Variants in TTC7B observed in about 807,000 individuals in gnomAD.
The protein encoded by TTC7B is tetratricopeptide repeat domain 7B, also known as tetratricopeptide repeat protein 7B.
TTC7B carries 28 observed loss-of-function variants against 106.8 expected under a neutral mutation model. That is an observed-to-expected ratio of 0.26 (90% confidence interval 0.19 to 0.36). The LOEUF is 0.36. TTC7B is among the 10% of genes least tolerant of loss of function. TTC7B has a pLI of 1.00. For synonymous variants in TTC7B, 405 were observed against 430.6 expected, an observed-to-expected ratio of 0.94 and a Z score of 0.74; for missense variants, 862 against 1,076.4, an observed-to-expected ratio of 0.80 and a Z score of 2.79.
chr14:90,563,874 G>A (rs1890685619), intron 19 of TTC7B, among the ~76,000 whole-genome samples: 1 of 152,094 alleles, frequency 6.6e-6, no homozygotes, highest in African/African-American at 2.4e-5. Flanking sequence ...CAAGTTTTAT[G>A]AGACTGCAGT....
At chr14:90,694,678 T>TA (rs1555390470) in intron 6 of TTC7B, among the ~76,000 whole-genome samples, 1 of 45,950 alleles carries the variant, frequency 2.2e-5, no homozygotes, top group African/African-American at 7.8e-5. Flanking sequence ...TATATGTATA[T>TA]TTTTATTTTA....
At chr14:90,732,001 T>TA (rs943513497) in intron 4 of TTC7B, among the ~76,000 whole-genome samples, 6 of 151,852 alleles carry the variant, frequency 4.0e-5, no homozygotes, top group African/African-American at 7.3e-5. Flanking sequence ...AAAAAGAAAA[T>TA]AAAAAAATCA....
chr14:90,769,665 A>G (rs1166105535), intron 3 of TTC7B, among the ~76,000 whole-genome samples: 2 of 152,200 alleles, frequency 1.3e-5, no homozygotes, highest in African/African-American at 4.8e-5. Context: ...GCTACTCGGG[A>G]GGCTGAGGCA....
At chr14:90,691,341 A>T (rs1887467535) in intron 6 of TTC7B, among the ~76,000 whole-genome samples, 1 of 152,052 alleles carries the variant, frequency 6.6e-6, no homozygotes, top group African/African-American at 2.4e-5. Context: ...TTCCTGAGAG[A>T]TTTTTTAAAC....
intron 11 of TTC7B, 59 bp from the exon 12 acceptor site, chr14:90,655,169 C>CAGAAAT (rs1203238551): frequency 1.1e-5 from 14 of 1,306,390 alleles, no homozygotes; most frequent in African/African-American, 1.5e-5. Flanking sequence ...ACATGAGTTC[C>CAGAAAT]CATAAGCGTC....
intron 15 of TTC7B, among the ~76,000 whole-genome samples, chr14:90,620,823 A>C (rs1884131098): frequency 1.3e-5 from 2 of 152,378 alleles, no homozygotes; most frequent in Admixed American, 1.3e-4. Flanking sequence ...GGCTGGAAAA[A>C]GAACTTCTAA....
At chr14:90,715,875 G>C (rs1296195398) in intron 5 of TTC7B, among the ~76,000 whole-genome samples, 1 of 152,164 alleles carries the variant, frequency 6.6e-6, no homozygotes, top group Non-Finnish European at 1.5e-5. Flanking sequence ...GAAACCTAAT[G>C]AATTCACCCA....
intron 9 of TTC7B, among the ~76,000 whole-genome samples, chr14:90,671,974 C>A (rs75862826): frequency 6.6e-6 from 1 of 152,188 alleles, no homozygotes; most frequent in Non-Finnish European, 1.5e-5. Flanking sequence ...TGGGTCTGCA[C>A]AACGCTGCAC....
intron 3 of TTC7B, among the ~76,000 whole-genome samples, chr14:90,748,153 T>C (rs943934404): frequency 3.3e-5 from 5 of 152,224 alleles, no homozygotes; most frequent in African/African-American, 9.6e-5. Context: ...TAGGTTTAAA[T>C]CTACCACTTT....
chr14:90,669,008 G>A (rs1886527629), intron 9 of TTC7B, among the ~76,000 whole-genome samples: 1 of 151,938 alleles, frequency 6.6e-6, no homozygotes, highest in South Asian at 2.1e-4. Context: ...ATTACATAAA[G>A]ATACATATAC....
intron 1 of TTC7B, among the ~76,000 whole-genome samples, chr14:90,811,101 A>G (rs1456053740): frequency 6.6e-6 from 1 of 152,232 alleles, no homozygotes; most frequent in Non-Finnish European, 1.5e-5. Context: ...CCTGACTACC[A>G]TGGCCACGAG....
Position 90,624,049 on chromosome 14 carries a change from A to C in TTC7B, c.1752-6004T>G, listed in dbSNP as rs992434993. Among the ~76,000 whole-genome samples, 2 of 152,154 alleles carry C rather than the reference A, an allele frequency of 1.3e-5. No individual in the cohort carries two copies. The highest frequency in any genetic ancestry group is 2.9e-5 in the Non-Finnish European group (2 of 68,012). On this transcript the variant is annotated intron_variant, in intron 15 of 19. Coordinates refer to ENST00000328459, the MANE Select transcript of TTC7B (RefSeq NM_001010854.2). The surrounding 1 kb of genome is among the most constrained non-coding windows in gnomAD (Gnocchi z 4.0). ...CAACAAAACAAAAACAAAACAAAACAAAACCCATGAGTGTGCCTGTATGCA... is the reference window on the plus strand; with the variant it reads ...CAACAAAACAAAAACAAAACAAAACCAAACCCATGAGTGTGCCTGTATGCA...
In TTC7B at chr14:90,786,274, T is replaced by A; in HGVS notation, c.176A>T (p.Glu59Val). 1.9e-6 allele frequency: 3 copies of A among 1,613,016 alleles called. No individual in the cohort carries two copies. The highest frequency in any genetic ancestry group is 2.5e-6 in the Non-Finnish European group (3 of 1,179,554). Residue 59 changes from glutamate (E) to valine (V), a missense_variant, in exon 2 of 20, where the codon GAA becomes GTA. Glu to Val is a moderately radical substitution (Grantham distance 121, BLOSUM62 -2). Coordinates refer to ENST00000328459, the MANE Select transcript of TTC7B (RefSeq NM_001010854.2). Reference sequence around the variant, plus strand: ...ACTGGCCCCCTGCCTCAGGGGGTGTTCCTTCAGGTACTGCTCCAGCTTCGA... The same window carrying A: ...ACTGGCCCCCTGCCTCAGGGGGTGTACCTTCAGGTACTGCTCCAGCTTCGA... Reference protein sequence around the residue: ...GESKLEQYLKEHPLRQGASPR... With the variant: ...GESKLEQYLKVHPLRQGASPR...
intron 5 of TTC7B, among the ~76,000 whole-genome samples, chr14:90,722,106 A>G (rs1324544384): frequency 6.6e-6 from 1 of 152,170 alleles, no homozygotes; most frequent in Non-Finnish European, 1.5e-5. Flanking sequence ...CAGACATGTG[A>G]GTGCCCAGGC....
chr14:90,558,488 A>G (rs966070198), intron 19 of TTC7B, among the ~76,000 whole-genome samples: 1 of 152,266 alleles, frequency 6.6e-6, no homozygotes, highest in Non-Finnish European at 1.5e-5. Context: ...ACTACCTGCC[A>G]CGGCGAGTCC....
At chr14:90,583,976 C>A (rs935469597) in intron 18 of TTC7B, among the ~76,000 whole-genome samples, 2 of 152,160 alleles carry the variant, frequency 1.3e-5, no homozygotes, top group Non-Finnish European at 2.9e-5. Context: ...CTGCCCAGGA[C>A]CCCCCAGAAA....
intron 3 of TTC7B, among the ~76,000 whole-genome samples, chr14:90,760,256 T>C (rs1357892678): frequency 6.6e-6 from 1 of 151,842 alleles, no homozygotes; most frequent in African/African-American, 2.4e-5. Flanking sequence ...TGAGGGCAGG[T>C]GGGCAAGGAG....
intron 3 of TTC7B, among the ~76,000 whole-genome samples, chr14:90,774,599 C>T (rs1398026248): frequency 6.6e-6 from 1 of 152,206 alleles, no homozygotes; most frequent in Non-Finnish European, 1.5e-5. Context: ...AAGCATCTGG[C>T]TGGAGCTGGG....
At chr14:90,666,168 A>G (rs1214642266) in intron 9 of TTC7B, among the ~76,000 whole-genome samples, 6 of 152,038 alleles carry the variant, frequency 3.9e-5, no homozygotes, top group Non-Finnish European at 5.9e-5. Flanking sequence ...TAAATTTTTT[A>G]TTGTTGTTGT....
Sources: gnomAD v4.1 joint callset for allele counts (sites outside exome capture counted in the v4.1 genomes callset) on GRCh38, gnomAD v4.1.1 for gene constraint, Gnocchi (gnomAD v3.1) non-coding constraint, MANE v1.5 for transcripts, NCBI Gene and HGNC (gene_info 2026-07-23, HGNC 2026-07-21) for gene names.